SAMD5: variants seen among roughly 807,000 people sequenced by gnomAD.
The protein encoded by SAMD5 is sterile alpha motif domain containing 5, also known as sterile alpha motif domain-containing protein 5.
Under a neutral mutation model 11.3 loss-of-function variants are expected in SAMD5, and 13 were observed. The ratio of observed to expected loss-of-function variants is 1.15; its 90% CI spans 0.75 to 1.83. SAMD5 has a LOEUF of 1.83. Ranked by LOEUF, SAMD5 falls within the 40% of genes most tolerant of loss-of-function variation. SAMD5 has a pLI of 0.00. For synonymous variants in SAMD5, 129 were observed against 111.3 expected (o/e 1.16, Z -1.00); for missense variants, 255 against 239.1 (o/e 1.07, Z -0.44).
chr6:147,793,715 T>A, the SAMD5 span, among the ~76,000 whole-genome samples: 69 of 152,310 alleles, frequency 4.5e-4, no homozygotes, highest in African/African-American at 1.6e-3. Flanking sequence ...CATACATTTT[T>A]ATAAAAAGAA....
At chr6:147,722,575 T>G (rs3906037) in intron 1 of SAMD5, among the ~76,000 whole-genome samples, 111,024 of 152,112 alleles carry the variant, frequency 0.73, 41,495 homozygotes, top group African/African-American at 0.88. Context: ...CCCTATATAT[T>G]TAATATTTCT....
chr6:147,789,111 A>G, the SAMD5 span, among the ~76,000 whole-genome samples: 3 of 147,126 alleles, frequency 2.0e-5, no homozygotes, highest in East Asian at 2.0e-4. Flanking sequence ...AAAAAAAAAA[A>G]CACCACCATC....
At chr6:147,710,562 ACTGTGGCAGCATCACAGTG>A (rs1179937953) in intron 1 of SAMD5, among the ~76,000 whole-genome samples, 25 of 152,120 alleles carry the variant, frequency 1.6e-4, no homozygotes, top group Non-Finnish European at 4.4e-5. Context: ...TATCAGATTG[ACTGTGGCAGCATCACAGTG>A]CTGGTGCCCA....
intron 1 of SAMD5, among the ~76,000 whole-genome samples, chr6:147,510,561 T>C (rs1431033888): frequency 6.6e-6 from 1 of 152,218 alleles, no homozygotes; most frequent in African/African-American, 2.4e-5. Flanking sequence ...TGTGGGTATC[T>C]TGGGCCCTGG....
chr6:147,508,901 GCTCGGCGGCGGGGTTCCCGGTC>G lies in SAMD5; in HGVS notation c.-26_-5del, dbSNP rs1788034042. Reference sequence around the variant, plus strand: ...CGTGCCATTTGGGCGCTGGGAAGGTGCTCGGCGGCGGGGTTCCCGGTCCCACCATGTGCACCAACATAGTTTA... The same window carrying G: ...CGTGCCATTTGGGCGCTGGGAAGGTGCCACCATGTGCACCAACATAGTTTA... On this transcript the variant is annotated 5_prime_UTR_variant, in exon 1 of 2. Transcript: ENST00000367474. The G allele has an allele frequency of 1.3e-6, 2 of 1,584,054 alleles. No homozygotes were observed. The highest frequency in any genetic ancestry group is 1.7e-6 in the Non-Finnish European group (2 of 1,166,496).
chr6:147,943,464 C>A, the SAMD5 span, among the ~76,000 whole-genome samples: 1 of 152,080 alleles, frequency 6.6e-6, no homozygotes, highest in Non-Finnish European at 1.5e-5. Context: ...AAACCCACGG[C>A]ATCCTTCCAT....
the SAMD5 span, among the ~76,000 whole-genome samples, chr6:147,869,724 G>A: frequency 1.3e-5 from 2 of 151,850 alleles, no homozygotes; most frequent in African/African-American, 4.8e-5. Flanking sequence ...TTTGATACAG[G>A]GTCTCGCTCT....
chr6:147,568,900 A>G lies in SAMD5; in HGVS notation c.*4444A>G, dbSNP rs1011018318. 1 of 980,908 alleles carries G rather than the reference A, an allele frequency of 1.0e-6. No individual in the cohort carries two copies. Among genetic ancestry groups the G allele is most frequent in the Non-Finnish European group, 1.2e-6 (1 of 826,030 alleles). 60.8% of individuals were successfully genotyped at this position (980,908 alleles called of 1,614,324 possible). A position where few individuals can be genotyped will look rare whatever the true frequency, so the allele number is the denominator to read the frequency against. ...CCTACTATTTTAGATATTTCCATAA[A>G]AGGCTTAAAGGGAAAAAAAAATGGT... On this transcript the variant is annotated 3_prime_UTR_variant, in exon 2 of 2. Coordinates refer to ENST00000367474, the MANE Select transcript of SAMD5 (RefSeq NM_001030060.3).
At chr6:147,639,820 A>C (rs1790283314) in intron 1 of SAMD5, among the ~76,000 whole-genome samples, 1 of 152,160 alleles carries the variant, frequency 6.6e-6, no homozygotes, top group Non-Finnish European at 1.5e-5. Flanking sequence ...TGCTCTAAAA[A>C]CTTCAGTGTA....
At position 147,567,919 on chromosome 6, in the gene SAMD5, T is replaced by TCAAAA. The variant is rs953050338; in HGVS notation, c.*3486_*3490dup. On this transcript the variant is annotated 3_prime_UTR_variant, in exon 2 of 2. Coordinates refer to ENST00000367474, the MANE Select transcript of SAMD5 (RefSeq NM_001030060.3). ...CTGGGCAACAGAGCAAGATCCCGTC[T>TCAAAA]CAAAACAAAACAAAACAAAACAAAA... 2.4e-4 allele frequency: 234 copies of TCAAAA among 985,970 alleles called. No homozygotes were observed. The highest frequency in any genetic ancestry group is 1.5e-3 in the Middle Eastern group (3 of 1,944). 61.1% of individuals were successfully genotyped at this position (985,970 alleles called of 1,614,324 possible).
At chr6:147,627,112 C>A (rs1398497687) in intron 1 of SAMD5, among the ~76,000 whole-genome samples, 1 of 152,170 alleles carries the variant, frequency 6.6e-6, no homozygotes, top group Non-Finnish European at 1.5e-5. Flanking sequence ...TGGAAATAAC[C>A]TGAAGAGCTC....
chr6:147,761,272 T>C, the SAMD5 span, among the ~76,000 whole-genome samples: 2 of 152,158 alleles, frequency 1.3e-5, no homozygotes, highest in Admixed American at 6.5e-5. Context: ...CAAGCTACTA[T>C]TGAACGTTTT....
the SAMD5 span, among the ~76,000 whole-genome samples, chr6:147,866,072 T>G: frequency 6.6e-6 from 1 of 152,078 alleles, no homozygotes; most frequent in African/African-American, 2.4e-5. Context: ...ATTTTTAACA[T>G]TAATTTTTAA....
At chr6:147,878,376 A>T in the SAMD5 span, among the ~76,000 whole-genome samples, 1 of 151,772 alleles carries the variant, frequency 6.6e-6, no homozygotes, top group African/African-American at 2.4e-5. Flanking sequence ...CTCTAATCCC[A>T]TTCATGAAGT....
chr6:147,923,193 C>T, the SAMD5 span, among the ~76,000 whole-genome samples: 18 of 152,228 alleles, frequency 1.2e-4, no homozygotes, highest in East Asian at 3.1e-3. Flanking sequence ...CAAACTGGAT[C>T]GAATAGGGAG....
rs10711772 is a variant in SAMD5 at position 147,725,387 on chromosome 6, C to CT, written c.163-11911dup. Among the ~76,000 whole-genome samples, 169 of 119,178 alleles carry CT rather than the reference C, an allele frequency of 1.4e-3. 2 individuals carry two copies. The highest frequency in any genetic ancestry group is 2.6e-3 in the East Asian group (11 of 4,226). The allele number at this position is 119,178 out of a possible 152,430, so 78.2% of individuals were successfully genotyped here. A position where few individuals can be genotyped will look rare whatever the true frequency, so the allele number is the denominator to read the frequency against. On this transcript the variant is annotated intron_variant, in intron 1 of 1. Transcript: ENST00000566741. Reference sequence around the variant, plus strand: ...CTCAGCAGGGCCTGGACTGACCTGGCTTTTTTTTTTTTTTTTTTTGAGACC... The same window carrying CT: ...CTCAGCAGGGCCTGGACTGACCTGGCTTTTTTTTTTTTTTTTTTTTGAGACC...
chr6:147,697,094 G>T (rs1791186407), intron 1 of SAMD5, among the ~76,000 whole-genome samples: 1 of 152,102 alleles, frequency 6.6e-6, no homozygotes, highest in South Asian at 2.1e-4. Flanking sequence ...GGTCCCTTTT[G>T]GGAGGGCGCT....
chr6:147,715,719 T>G (rs1791456982), intron 1 of SAMD5, among the ~76,000 whole-genome samples: 1 of 152,160 alleles, frequency 6.6e-6, no homozygotes, highest in Non-Finnish European at 1.5e-5. Context: ...GTGAGTAAGA[T>G]GATGAGGAGC....
At chr6:147,782,189 G>A in the SAMD5 span, among the ~76,000 whole-genome samples, 1 of 151,708 alleles carries the variant, frequency 6.6e-6, no homozygotes, top group Non-Finnish European at 1.5e-5. Context: ...TTTGTAGGAG[G>A]TCAAAGAAAA....
Sources: gnomAD v4.1 joint callset for allele counts (sites outside exome capture counted in the v4.1 genomes callset) on GRCh38, gnomAD v4.1.1 for gene constraint, MANE v1.5 for transcripts, NCBI Gene and HGNC (gene_info 2026-07-23, HGNC 2026-07-21) for gene names.